Variants in BBS9 observed in about 807,000 individuals in gnomAD.
BBS9 encodes the protein protein PTHB1.
A neutral mutation model predicts 117.7 loss-of-function variants in BBS9; 89 were observed. The ratio of observed to expected loss-of-function variants is 0.76; its 90% CI spans 0.64 to 0.90. BBS9 has a LOEUF of 0.90. Ranked by LOEUF, BBS9 falls within the 40% of genes least tolerant of loss-of-function variation. BBS9 has a pLI of 0.00. For synonymous variants in BBS9, 379 were observed against 370.9 expected (o/e 1.02, Z -0.25); for missense variants, 982 against 1,042.2 (o/e 0.94, Z 0.80).
At chr7:33,630,378 A>G (rs909069566) in intron 21 of BBS9, among the ~76,000 whole-genome samples, 5 of 152,066 alleles carry the variant, frequency 3.3e-5, no homozygotes, top group African/African-American at 1.2e-4. Flanking sequence ...AGCATAATTG[A>G]TTCTTCTGGG....
chr7:33,440,792 A>C (rs1029736073), intron 19 of BBS9, among the ~76,000 whole-genome samples: 14 of 152,236 alleles, frequency 9.2e-5, no homozygotes, highest in African/African-American at 3.4e-4. Context: ...CATATGAAGC[A>C]TAAGATCTAG....
rs775734956 is a variant in BBS9, at chr7:33,357,887, C to G, written c.1585C>G (p.Leu529Val). ...GCGAGTTATCCAATGTAAATTTAGA[C>G]TTCCCCTAAAGTTAATTTGCCTACC... ...IPRVIQCKFRLPLKLICLPGQ... is the reference protein window; with the variant it reads ...IPRVIQCKFRVPLKLICLPGQ... The change falls in exon 16 of 23, where the codon CTT becomes GTT. Residue 529 changes from leucine (L) to valine (V), a missense_variant. Physicochemically the swap from Leu to Val is conservative, Grantham distance 32 (BLOSUM62 1). Coordinates refer to ENST00000242067, the MANE Select transcript of BBS9 (RefSeq NM_198428.3). The G allele has an allele frequency of 1.9e-6, 3 of 1,611,788 alleles. No individual in the cohort carries two copies. The highest frequency in any genetic ancestry group is 1.7e-6 in the Non-Finnish European group (2 of 1,178,202).
At chr7:33,392,584 C>T (rs1242943543) in intron 19 of BBS9, among the ~76,000 whole-genome samples, 3 of 152,154 alleles carry the variant, frequency 2.0e-5, no homozygotes, top group African/African-American at 7.2e-5. Context: ...GACTTTGCCT[C>T]TTTGTTGAAG....
chr7:33,210,212 CTTG>C (rs1787756782), intron 5 of BBS9, among the ~76,000 whole-genome samples: 1 of 152,070 alleles, frequency 6.6e-6, no homozygotes, highest in Non-Finnish European at 1.5e-5. Context: ...CAAAATTCAT[CTTG>C]TTGTTAATTT....
intron 20 of BBS9, among the ~76,000 whole-genome samples, chr7:33,527,543 G>A (rs979713692): frequency 1.3e-5 from 2 of 152,112 alleles, no homozygotes; most frequent in African/African-American, 2.4e-5. Flanking sequence ...TCTTTGACTC[G>A]GAAAGGGAAC....
chr7:33,326,536 C>T (rs1276195104), intron 9 of BBS9, among the ~76,000 whole-genome samples: 1 of 152,116 alleles, frequency 6.6e-6, no homozygotes, highest in African/African-American at 2.4e-5. Context: ...CTTCTCTCTC[C>T]TTTTCTGAAG....
chr7:33,177,914 G>C (rs1797567328), intron 5 of BBS9: 1 of 251,662 alleles, frequency 4.0e-6, no homozygotes, highest in East Asian at 9.7e-5. Context: ...TTTTTATATG[G>C]TCTATAGAAA....
At chr7:33,322,082 C>T (rs1811843302) in intron 9 of BBS9, among the ~76,000 whole-genome samples, 1 of 151,876 alleles carries the variant, frequency 6.6e-6, no homozygotes. Flanking sequence ...CCACTTGGTC[C>T]TAATGAATGA....
At chr7:33,338,899 C>T (rs1283847290) in intron 10 of BBS9, among the ~76,000 whole-genome samples, 2 of 152,112 alleles carry the variant, frequency 1.3e-5, no homozygotes, top group African/African-American at 4.8e-5. Context: ...GATAGGTGCC[C>T]ATACAGCTGT....
chr7:33,302,081 G>C (rs926885841), intron 9 of BBS9, among the ~76,000 whole-genome samples: 22 of 152,046 alleles, frequency 1.4e-4, no homozygotes, highest in African/African-American at 5.1e-4. Context: ...GTCTTCTTTT[G>C]AGAAATTCCT....
At chr7:33,634,975 C>CT (rs763921674) in intron 21 of BBS9, among the ~76,000 whole-genome samples, 2 of 152,206 alleles carry the variant, frequency 1.3e-5, no homozygotes, top group Non-Finnish European at 1.5e-5. Context: ...TTGAAATTCT[C>CT]TTTTGGTGTC....
intron 20 of BBS9, among the ~76,000 whole-genome samples, chr7:33,516,045 G>A (rs905689158): frequency 6.6e-6 from 1 of 152,190 alleles, no homozygotes; most frequent in Non-Finnish European, 1.5e-5. Flanking sequence ...CAGTGGACGT[G>A]ACATAATATG....
rs545866209 is a variant in BBS9, at chr7:33,424,108, A to C, written c.2115+35964A>C. ...TTTCTCATCACCTTGTAGCTGGAAA[A>C]ACACACACATACACTATGTGTATTG... On this transcript the variant is annotated intron_variant, in intron 19 of 22. Coordinates refer to ENST00000242067, the MANE Select transcript of BBS9 (RefSeq NM_198428.3). Among the ~76,000 whole-genome samples the C allele has an allele frequency of 1.1e-4, 17 of 152,312 alleles. No homozygotes were observed. The South Asian group carries it at 3.5e-3, about 32-fold the overall frequency.
intron 2 of BBS9, among the ~76,000 whole-genome samples, chr7:33,151,289 C>T (rs1212501887): frequency 6.6e-6 from 1 of 151,922 alleles, no homozygotes; most frequent in Non-Finnish European, 1.5e-5. Context: ...TCCAAATATG[C>T]TTGCATGTTT....
chr7:33,426,633 A>G lies in BBS9; in HGVS notation c.2115+38489A>G, dbSNP rs562290030. Among the ~76,000 whole-genome samples the G allele has an allele frequency of 8.5e-5, 13 of 152,196 alleles. No homozygotes were observed. In the South Asian group the frequency reaches 2.7e-3, roughly 32 times the overall value. On this transcript the variant is annotated intron_variant, in intron 19 of 22. Coordinates refer to ENST00000242067, the MANE Select transcript of BBS9 (RefSeq NM_198428.3). Reference sequence around the variant, plus strand: ...TTCTGCTGGGGATTCACTAAGCCACATTCGGTTGTTAAAGGATCTGAGAAG... The same window carrying G: ...TTCTGCTGGGGATTCACTAAGCCACGTTCGGTTGTTAAAGGATCTGAGAAG...
intron 21 of BBS9, among the ~76,000 whole-genome samples, chr7:33,555,244 G>T (rs754564928): frequency 1.2e-4 from 18 of 152,072 alleles, no homozygotes; most frequent in Non-Finnish European, 1.2e-4. Flanking sequence ...TCTTGTTTTA[G>T]GTCCAGGCTT....
At chr7:33,391,366 A>G (rs1016250197) in intron 19 of BBS9, among the ~76,000 whole-genome samples, 19 of 151,884 alleles carry the variant, frequency 1.3e-4, no homozygotes, top group African/African-American at 4.4e-4. Context: ...TCCTCCTGTG[A>G]TGGGATCTTT....
At chr7:33,501,026 T>A (rs1845373874) in intron 19 of BBS9, among the ~76,000 whole-genome samples, 1 of 152,200 alleles carries the variant, frequency 6.6e-6, no homozygotes, top group African/African-American at 2.4e-5. Flanking sequence ...CATTTATTGT[T>A]TCCTAAACCC....
At chr7:33,415,307 T>C (rs1831812878) in intron 19 of BBS9, among the ~76,000 whole-genome samples, 1 of 152,112 alleles carries the variant, frequency 6.6e-6, no homozygotes. Flanking sequence ...AGAACTATAG[T>C]TTTCCCCATA....
Sources: allele counts gnomAD v4.1 joint callset (sites outside exome capture counted in the v4.1 genomes callset), GRCh38; gene constraint gnomAD v4.1.1; transcripts MANE v1.5; gene names NCBI Gene and HGNC (gene_info 2026-07-23, HGNC 2026-07-21).